The following FAT4 variants were observed in gnomAD, a reference collection of about 807,000 sequenced individuals.
The protein encoded by FAT4 is protocadherin Fat 4.
Under a neutral mutation model 303.9 loss-of-function variants are expected in FAT4, and 84 were observed. The ratio of observed to expected loss-of-function variants is 0.28; its 90% CI spans 0.23 to 0.33. The LOEUF is 0.33. Among genes scored for constraint, FAT4 ranks in the 10% least tolerant of loss-of-function variants. The pLI is 1.00. For synonymous variants in FAT4, 2,307 were observed against 2,298.8 expected, an observed-to-expected ratio of 1.00 and a Z score of -0.10; for missense variants, 6,005 against 6,146.8, an observed-to-expected ratio of 0.98 and a Z score of 0.77.
rs1352959225 is a variant in FAT4, at chr4:125,318,092, C to T, written c.1681C>T (p.Pro561Ser). Reference sequence around the variant, plus strand: ...AAGTGCCCGGGACCAGGGAGTTCACCCCAAGGTGTCCTATGCCCAGCTTGT... The same window carrying T: ...AAGTGCCCGGGACCAGGGAGTTCACTCCAAGGTGTCCTATGCCCAGCTTGT... ...NISARDQGVH[P>S]KVSYAQLVVT... is the part of the protein sequence containing the mutation. The change falls in exon 2 of 18, where the codon CCC becomes TCC. Residue 561 changes from proline (P) to serine (S), a missense_variant. By Grantham distance (74) the Pro-to-Ser change is moderately conservative. Coordinates refer to ENST00000394329, the MANE Select transcript of FAT4 (RefSeq NM_001291303.3). 6.2e-7 allele frequency: 1 copy of T among 1,614,082 alleles called. No homozygotes were observed. The highest frequency in any genetic ancestry group is 8.5e-7 in the Non-Finnish European group (1 of 1,180,018).
At position 125,319,324 on chromosome 4, in the gene FAT4, G is replaced by T; in HGVS notation, c.2913G>T (p.Met971Ile). ...AAATAGAGATCTTGGCATCTGACAT[G>T]GGTGTCCCACAGCTCTCCTCTAGTG... ...SYQIEILASD[M>I]GVPQLSSSVI... The change falls in exon 2 of 18, where the codon ATG (methionine) becomes ATT (isoleucine). Residue 971 changes from methionine (M) to isoleucine (I), a missense_variant. By Grantham distance (10) the Met-to-Ile change is conservative. Transcript: ENST00000394329. 4 of 1,613,864 alleles carry T rather than the reference G, an allele frequency of 2.5e-6. No homozygotes were observed. Among genetic ancestry groups the T allele is most frequent in the Non-Finnish European group, 3.4e-6 (4 of 1,179,922 alleles).
chr4:125,388,100 G>A (rs1733830924), intron 2 of FAT4, among the ~76,000 whole-genome samples: 1 of 152,164 alleles, frequency 6.6e-6, no homozygotes, highest in African/African-American at 2.4e-5. Flanking sequence ...GAAACATACT[G>A]TTCTAGTGAC....
intron 2 of FAT4, among the ~76,000 whole-genome samples, chr4:125,346,947 T>C (rs1732025132): frequency 1.3e-5 from 2 of 151,980 alleles, no homozygotes; most frequent in Admixed American, 1.3e-4. Flanking sequence ...GTGAAAGTGT[T>C]ACCCTCTCCT....
intron 2 of FAT4, among the ~76,000 whole-genome samples, chr4:125,361,272 T>G (rs1732655384): frequency 6.6e-6 from 1 of 152,050 alleles, no homozygotes; most frequent in African/African-American, 2.4e-5. Context: ...TCTGGAGCAG[T>G]TACACCTATG....
intron 7 of FAT4, among the ~76,000 whole-genome samples, chr4:125,424,985 G>C (rs1443407723): frequency 6.6e-6 from 1 of 152,114 alleles, no homozygotes; most frequent in Non-Finnish European, 1.5e-5. Flanking sequence ...CCAAGACTTA[G>C]TTTTTGGACA....
At chr4:125,444,269 G>A (rs1006586575) in intron 8 of FAT4, among the ~76,000 whole-genome samples, 1 of 152,124 alleles carries the variant, frequency 6.6e-6, no homozygotes, top group Non-Finnish European at 1.5e-5. Flanking sequence ...CCTGCTTTTG[G>A]TGAGTGCTTC....
At chr4:125,354,395 T>G (rs765905423) in intron 2 of FAT4, among the ~76,000 whole-genome samples, 44 of 151,766 alleles carry the variant, frequency 2.9e-4, no homozygotes, top group Non-Finnish European at 5.2e-4. Context: ...ATGGATATAG[T>G]CAACTTAGAA....
At chr4:125,405,273 G>A (rs1605827) in intron 3 of FAT4, among the ~76,000 whole-genome samples, 150,471 of 152,214 alleles carry the variant, frequency 0.99, 74,394 homozygotes, top group East Asian at 1. Flanking sequence ...TGGATCATAC[G>A]GTGATTCTAT....
At chr4:125,474,833 G>A (rs1726973227) in intron 12 of FAT4, among the ~76,000 whole-genome samples, 1 of 151,952 alleles carries the variant, frequency 6.6e-6, no homozygotes, top group African/African-American at 2.4e-5. Flanking sequence ...AATGAAAGTG[G>A]CCTGATTTTT....
chr4:125,489,861 T>TTTTTA, intron 17 of FAT4, 40 bp from the exon 18 acceptor site: 1 of 1,052,844 alleles, frequency 9.5e-7, no homozygotes, highest in African/African-American at 1.6e-5. Context: ...TTTTTTTTTT[T>TTTTTA]TTTTTTTGTA....
intron 3 of FAT4, among the ~76,000 whole-genome samples, chr4:125,401,179 T>A (rs1734374295): frequency 6.6e-6 from 1 of 151,986 alleles, no homozygotes; most frequent in East Asian, 1.9e-4. Context: ...TTTAATAACG[T>A]TTTAATAACT....
At chr4:125,474,794 T>G (rs2126081820) in intron 12 of FAT4, among the ~76,000 whole-genome samples, 1 of 152,186 alleles carries the variant, frequency 6.6e-6, no homozygotes, top group Middle Eastern at 3.4e-3. Context: ...AAAAGTAGGA[T>G]ATTAAGGAAA....
At chr4:125,352,449 A>G (rs1377336192) in intron 2 of FAT4, among the ~76,000 whole-genome samples, 1 of 151,810 alleles carries the variant, frequency 6.6e-6, no homozygotes, top group Non-Finnish European at 1.5e-5. Context: ...AAATGTTTAC[A>G]CAGAATAGGT....
intron 7 of FAT4, among the ~76,000 whole-genome samples, chr4:125,432,326 C>G (rs1175691895): frequency 6.6e-6 from 1 of 152,202 alleles, no homozygotes; most frequent in Non-Finnish European, 1.5e-5. Context: ...CTTAAACTTT[C>G]TAAACTTGAG....
intron 14 of FAT4, among the ~76,000 whole-genome samples, chr4:125,478,395 T>C (rs1727107227): frequency 1.3e-5 from 2 of 152,178 alleles, no homozygotes; most frequent in Admixed American, 6.5e-5. Flanking sequence ...CTTTTTTAAA[T>C]ATCAATTTTT....
intron 17 of FAT4, 131 bp downstream of exon 17, chr4:125,487,737 T>G (rs1727461321): frequency 3.3e-6 from 3 of 916,858 alleles, no homozygotes; most frequent in Middle Eastern, 3.3e-4. Context: ...TCAATAAAAT[T>G]TATGTTTAAA....
At chr4:125,325,680 A>G (rs978742772) in intron 2 of FAT4, among the ~76,000 whole-genome samples, 14 of 152,236 alleles carry the variant, frequency 9.2e-5, no homozygotes, top group Non-Finnish European at 2.1e-4. Flanking sequence ...AAGACATCAA[A>G]GTTGAGTCTA....
At chr4:125,398,980 A>G in intron 3 of FAT4, 65 bp downstream of exon 3, 1 of 1,493,620 alleles carries the variant, frequency 6.7e-7, no homozygotes, top group South Asian at 1.1e-5. Context: ...AATTTCTAGG[A>G]TATGTTGACT....
Position 125,475,903 on chromosome 4 carries a change from C to T in FAT4, c.12214-268C>T, listed in dbSNP as rs75441829. Reference sequence around the variant, plus strand: ...TTAACGGCATTTTTATCTTTTTTCACCTATAAAACAGGGGAGCAGGAGAGG... The same window carrying T: ...TTAACGGCATTTTTATCTTTTTTCATCTATAAAACAGGGGAGCAGGAGAGG... On this transcript the variant is annotated intron_variant, in intron 12 of 17. Coordinates refer to ENST00000394329, the MANE Select transcript of FAT4 (RefSeq NM_001291303.3). Among the ~76,000 whole-genome samples the T allele has an allele frequency of 0.049, 7,425 of 151,974 alleles. 225 individuals carry two copies. The highest frequency in any genetic ancestry group is 0.089 in the Middle Eastern group (26 of 292).
Sources: gnomAD v4.1 joint callset for allele counts (sites outside exome capture counted in the v4.1 genomes callset) on GRCh38, gnomAD v4.1.1 for gene constraint, MANE v1.5 for transcripts, NCBI Gene and HGNC (gene_info 2026-07-23, HGNC 2026-07-21) for gene names.